The following MMP26 variants were observed in gnomAD, a reference collection of about 807,000 sequenced individuals.
MMP26 encodes the protein matrix metalloproteinase-26.
Under a neutral mutation model 31.0 loss-of-function variants are expected in MMP26, and 33 were observed. The observed-to-expected ratio is 1.06, with a 90% CI of 0.81 to 1.42. The LOEUF is 1.42. Ranked by LOEUF, MMP26 falls within the 40% of genes most tolerant of loss-of-function variation. The pLI is 0.00. For missense variants in MMP26, 347 were observed against 316.1 expected, an observed-to-expected ratio of 1.10 and a Z score of -0.74; for synonymous variants, 122 against 114.9, an observed-to-expected ratio of 1.06 and a Z score of -0.40.
intron 2 of MMP26, among the ~76,000 whole-genome samples, chr11:4,785,032 T>C (rs35956756): frequency 0.095 from 14,401 of 152,180 alleles, 843 homozygotes; most frequent in Middle Eastern, 0.15. Flanking sequence ...GACTTCATTT[T>C]TTGATAGACA....
chr11:4,926,328 C>G (rs1301242945), intron 2 of MMP26, among the ~76,000 whole-genome samples: 1 of 152,054 alleles, frequency 6.6e-6, no homozygotes, highest in Non-Finnish European at 1.5e-5. Context: ...AAGTAGATAT[C>G]AAAGGATTTG....
chr11:4,837,083 A>T (rs1045037521), intron 2 of MMP26, among the ~76,000 whole-genome samples: 1 of 152,164 alleles, frequency 6.6e-6, no homozygotes, highest in Non-Finnish European at 1.5e-5. Context: ...CAAATACCAG[A>T]TTGGGAAAGG....
At chr11:4,962,020 G>A (rs553504146) in intron 2 of MMP26, among the ~76,000 whole-genome samples, 1 of 151,930 alleles carries the variant, frequency 6.6e-6, no homozygotes, top group African/African-American at 2.4e-5. Context: ...TTGGAGTGCT[G>A]TGTCTTTTGT....
intron 2 of MMP26, chr11:4,914,328 T>C (rs1329631906): frequency 6.0e-6 from 1 of 165,822 alleles, no homozygotes; most frequent in Non-Finnish European, 1.3e-5. Flanking sequence ...AGTGGTGGAA[T>C]GGAGGTGGAA....
intron 2 of MMP26, among the ~76,000 whole-genome samples, chr11:4,867,923 T>C (rs960596229): frequency 6.6e-6 from 1 of 152,106 alleles, no homozygotes; most frequent in South Asian, 2.1e-4. Flanking sequence ...AATTGTTCTA[T>C]TGTAAAGGCA....
intron 2 of MMP26, among the ~76,000 whole-genome samples, chr11:4,916,911 G>A (rs1196188750): frequency 6.6e-6 from 1 of 152,190 alleles, no homozygotes; most frequent in Non-Finnish European, 1.5e-5. Flanking sequence ...ACTGAACACA[G>A]GGCAGTGATG....
intron 1 of MMP26, among the ~76,000 whole-genome samples, chr11:4,748,275 C>T (rs969116584): frequency 5.9e-5 from 9 of 151,810 alleles, no homozygotes; most frequent in Non-Finnish European, 8.8e-5. Flanking sequence ...AGACTAATAT[C>T]GATTAGTAAG....
chr11:4,741,235 T>C (rs1848307310), intron 1 of MMP26, among the ~76,000 whole-genome samples: 2 of 152,162 alleles, frequency 1.3e-5, no homozygotes, highest in African/African-American at 4.8e-5. Flanking sequence ...AGATGTGTGG[T>C]GTTATTTCTG....
intron 2 of MMP26, among the ~76,000 whole-genome samples, chr11:4,950,425 G>T (rs944545407): frequency 8.3e-6 from 1 of 120,312 alleles, no homozygotes; most frequent in African/African-American, 2.8e-5. Context: ...AATAAGCCAG[G>T]CACAGAAAGA....
chr11:4,759,374 A>G (rs905798895), intron 1 of MMP26, among the ~76,000 whole-genome samples: 1 of 152,146 alleles, frequency 6.6e-6, no homozygotes, highest in Non-Finnish European at 1.5e-5. Flanking sequence ...ATTTCCTTTC[A>G]ATCAACAATT....
intron 1 of MMP26, among the ~76,000 whole-genome samples, chr11:4,721,794 G>A (rs564553281): frequency 6.6e-6 from 1 of 152,270 alleles, no homozygotes; most frequent in African/African-American, 2.4e-5. Context: ...CTGACTTGGG[G>A]TTGGGTTCAC....
intron 2 of MMP26, among the ~76,000 whole-genome samples, chr11:4,786,050 GA>G (rs1360306793): frequency 6.6e-6 from 1 of 152,090 alleles, no homozygotes; most frequent in African/African-American, 2.4e-5. Flanking sequence ...TGGACCTGGG[GA>G]AACTGAACAA....
chr11:4,763,731 A>C (rs1848595354), intron 1 of MMP26, among the ~76,000 whole-genome samples: 2 of 152,228 alleles, frequency 1.3e-5, no homozygotes, highest in South Asian at 4.1e-4. Context: ...TTTCTGTTTA[A>C]CAAAACAGCA....
chr11:4,868,008 A>G (rs956677263), intron 2 of MMP26, among the ~76,000 whole-genome samples: 1 of 152,162 alleles, frequency 6.6e-6, no homozygotes, highest in South Asian at 2.1e-4. Flanking sequence ...CCTATTACTG[A>G]TAGACTGGAT....
At chr11:4,816,180 C>T (rs1849417130) in intron 2 of MMP26, among the ~76,000 whole-genome samples, 3 of 152,172 alleles carry the variant, frequency 2.0e-5, no homozygotes, top group South Asian at 2.1e-4. Context: ...GTATTTTCCA[C>T]GGTTTCTTTA....
intron 2 of MMP26, among the ~76,000 whole-genome samples, chr11:4,897,350 G>A (rs1052344298): frequency 1.3e-5 from 2 of 152,154 alleles, no homozygotes; most frequent in Non-Finnish European, 2.9e-5. Flanking sequence ...ATGTTGGCCA[G>A]GATGGTCTCC....
intron 1 of MMP26, among the ~76,000 whole-genome samples, chr11:4,731,465 G>A (rs1315473320): frequency 6.6e-6 from 1 of 152,122 alleles, no homozygotes; most frequent in African/African-American, 2.4e-5. Context: ...AGTATCCACT[G>A]GCATAAGGAC....
intron 2 of MMP26, among the ~76,000 whole-genome samples, chr11:4,810,232 T>C (rs1849331410): frequency 1.6e-5 from 2 of 122,348 alleles, no homozygotes; most frequent in African/African-American, 2.6e-5. Flanking sequence ...TCTGTATGCA[T>C]GTATTTTTTT....
At chr11:4,868,055 T>C (rs1367647087) in intron 2 of MMP26, among the ~76,000 whole-genome samples, 5 of 152,112 alleles carry the variant, frequency 3.3e-5, no homozygotes, top group South Asian at 2.1e-4. Context: ...TGTAATACTA[T>C]GGAGCCATAA....
Sources: allele counts gnomAD v4.1 joint callset (sites outside exome capture counted in the v4.1 genomes callset), GRCh38; gene constraint gnomAD v4.1.1; transcripts MANE v1.5; gene names NCBI Gene and HGNC (gene_info 2026-07-23, HGNC 2026-07-21).